The following ZFHX3 variants were observed in gnomAD, a reference collection of about 807,000 sequenced individuals.
ZFHX3 encodes zinc finger homeobox 3, also known as zinc finger homeobox protein 3.
A neutral mutation model predicts 279.1 loss-of-function variants in ZFHX3; 42 were observed. The observed-to-expected ratio is 0.15, with a 90% CI of 0.12 to 0.19. ZFHX3 has a LOEUF of 0.19. ZFHX3 is among the 10% of genes least tolerant of loss of function. The pLI, the probability that ZFHX3 is intolerant of heterozygous loss-of-function variation, is 1.00. For synonymous variants in ZFHX3, 2,293 were observed against 1,957.8 expected (o/e 1.17, Z -4.52); for missense variants, 4,981 against 4,754.0 (o/e 1.05, Z -1.40).
At chr16:73,273,522 A>T (rs2014208269) in intron 4 of ZFHX3, among the ~76,000 whole-genome samples, 1 of 152,180 alleles carries the variant, frequency 6.6e-6, no homozygotes, top group South Asian at 2.1e-4. Context: ...CAATATACAT[A>T]ATCTGTCCAT....
At chr16:73,665,185 G>C (rs1400483092) in intron 2 of ZFHX3, among the ~76,000 whole-genome samples, 1 of 150,508 alleles carries the variant, frequency 6.6e-6, no homozygotes, top group African/African-American at 2.4e-5. Flanking sequence ...GACCATTGAA[G>C]AGATGATCTT....
chr16:72,912,926 C>T (rs550806086), intron 3 of ZFHX3, among the ~76,000 whole-genome samples: 2 of 152,012 alleles, frequency 1.3e-5, no homozygotes, highest in Admixed American at 6.6e-5. Flanking sequence ...GGTTTCACCA[C>T]GTTGGCCAGA....
At chr16:72,802,324 G>T (rs192832992) in intron 7 of ZFHX3, among the ~76,000 whole-genome samples, 1 of 151,876 alleles carries the variant, frequency 6.6e-6, no homozygotes, top group East Asian at 1.9e-4. Flanking sequence ...GTCTCGCTGC[G>T]ACTTTAATCA....
At chr16:73,600,143 CTG>C (rs1048836184) in intron 2 of ZFHX3, among the ~76,000 whole-genome samples, 1 of 152,160 alleles carries the variant, frequency 6.6e-6, no homozygotes, top group Non-Finnish European at 1.5e-5. Flanking sequence ...TGCACCCAAA[CTG>C]TAAGTAACCT....
intron 2 of ZFHX3, among the ~76,000 whole-genome samples, chr16:73,654,910 G>C (rs1280124624): frequency 7.1e-6 from 1 of 141,582 alleles, no homozygotes; most frequent in Non-Finnish European, 1.5e-5. Flanking sequence ...GCCCAGGTTG[G>C]AGTGCAGTGG....
intron 7 of ZFHX3, among the ~76,000 whole-genome samples, chr16:73,105,322 TACAC>T (rs200244376): frequency 1.5e-4 from 20 of 129,246 alleles, no homozygotes; most frequent in Admixed American, 5.4e-4. Flanking sequence ...TACACACACA[TACAC>T]ACACACACAC....
chr16:73,083,262 A>C (rs771660083), intron 8 of ZFHX3: 4 of 152,226 alleles, frequency 2.6e-5, no homozygotes, highest in Admixed American at 6.5e-5. Context: ...CTAAGTCAGC[A>C]TAACATGCAG....
intron 3 of ZFHX3, among the ~76,000 whole-genome samples, chr16:72,947,532 T>C (rs1262533652): frequency 6.6e-6 from 1 of 151,956 alleles, no homozygotes; most frequent in Non-Finnish European, 1.5e-5. Flanking sequence ...TGCAGCTCTG[T>C]CTCCTCCAAC....
At chr16:73,008,615 G>A (rs1253726718) in intron 1 of ZFHX3, among the ~76,000 whole-genome samples, 1 of 152,174 alleles carries the variant, frequency 6.6e-6, no homozygotes, top group Non-Finnish European at 1.5e-5. Context: ...AGGATGTTAA[G>A]TCTCTGTGCC....
rs1304635065 is a variant in ZFHX3 at position 72,794,223 on chromosome 16, G to A, written c.8459C>T (p.Ser2820Leu). ...IEDFESPSMS[S>L]VNLNFDQTKL... ...AGTTTGGTCAAAGTTTAGATTAACT[G>A]AGGACATGGAGGGGCTTTCAAAGTC... is the stretch of plus-strand genomic sequence containing the variant. Residue 2820 changes from serine (S) to leucine (L), a missense_variant, in exon 9 of 10, where the codon TCA (serine) becomes TTA (leucine). Transcript: ENST00000268489. The surrounding 1 kb of genome is among the most constrained non-coding windows in gnomAD (Gnocchi z 4.2). The A allele has an allele frequency of 1.2e-6, 2 of 1,614,190 alleles. No individual in the cohort carries two copies. The highest frequency in any genetic ancestry group is 1.1e-5 in the South Asian group (1 of 91,080).
chr16:72,975,850 T>C (rs1158393924), intron 1 of ZFHX3, among the ~76,000 whole-genome samples: 5 of 152,230 alleles, frequency 3.3e-5, no homozygotes, highest in Non-Finnish European at 5.9e-5. Flanking sequence ...CAACAGCTGC[T>C]AAGAAGAACC....
At chr16:73,820,435 G>A (rs2142347938) in intron 1 of ZFHX3, among the ~76,000 whole-genome samples, 1 of 152,182 alleles carries the variant, frequency 6.6e-6, no homozygotes, top group African/African-American at 2.4e-5. Context: ...TCTGCTCATG[G>A]AACATTGCCT....
intron 5 of ZFHX3, among the ~76,000 whole-genome samples, chr16:73,224,815 C>T (rs1332660995): frequency 1.3e-5 from 2 of 152,078 alleles, no homozygotes; most frequent in African/African-American, 4.8e-5. Flanking sequence ...AGTTGCTTGA[C>T]GTGAACACAG....
intron 1 of ZFHX3, among the ~76,000 whole-genome samples, chr16:73,758,715 C>T (rs2142278915): frequency 6.6e-6 from 1 of 152,312 alleles, no homozygotes; most frequent in Non-Finnish European, 1.5e-5. Flanking sequence ...GACTTCACTG[C>T]TGTAGGGAGT....
chr16:72,912,373 G>A (rs536511340), intron 3 of ZFHX3, among the ~76,000 whole-genome samples: 1 of 152,322 alleles, frequency 6.6e-6, no homozygotes, highest in Non-Finnish European at 1.5e-5. Context: ...ATATAAATGG[G>A]ACCTGGGTGG....
At chr16:72,820,987 C>G (rs2036777532) in intron 5 of ZFHX3, among the ~76,000 whole-genome samples, 2 of 152,162 alleles carry the variant, frequency 1.3e-5, no homozygotes, top group African/African-American at 2.4e-5. Flanking sequence ...AGTCTAGACT[C>G]TGAGACACTG....
chr16:72,850,077 T>C (rs527706251), intron 4 of ZFHX3, among the ~76,000 whole-genome samples: 3 of 152,042 alleles, frequency 2.0e-5, no homozygotes, highest in Non-Finnish European at 4.4e-5. Flanking sequence ...TAGGCACTGA[T>C]AGAAATGATT....
chr16:73,522,986 C>T (rs8056858), intron 2 of ZFHX3, among the ~76,000 whole-genome samples: 53,626 of 151,904 alleles, frequency 0.35, 10,832 homozygotes, highest in East Asian at 0.6. Context: ...CAGGTAACTG[C>T]GCCCATAATT....
chr16:73,233,108 C>CAAAAAAA (rs58902113), intron 5 of ZFHX3: 6 of 102,868 alleles, frequency 5.8e-5, no homozygotes, highest in East Asian at 3.1e-4. Context: ...GGACCAGAGC[C>CAAAAAAA]AAAAAAAAAA....
Sources: gnomAD v4.1 joint callset for allele counts (sites outside exome capture counted in the v4.1 genomes callset) on GRCh38, gnomAD v4.1.1 for gene constraint, Gnocchi (gnomAD v3.1) non-coding constraint, MANE v1.5 for transcripts, NCBI Gene and HGNC (gene_info 2026-07-23, HGNC 2026-07-21) for gene names.